The following CCSER1 variants were observed in gnomAD, a reference collection of about 807,000 sequenced individuals.
The protein encoded by CCSER1 is serine-rich coiled-coil domain-containing protein 1.
In CCSER1, 41 loss-of-function variants were observed where a neutral mutation model predicts 82.0. That is an observed-to-expected ratio of 0.50 (90% confidence interval 0.39 to 0.65). The LOEUF is 0.65. Ranked by LOEUF, CCSER1 falls within the 30% of genes least tolerant of loss-of-function variation. The probability of loss-of-function intolerance (pLI) is 0.00; values close to 1 mark genes in which losing one functional copy is unlikely to be tolerated. For missense variants in CCSER1, 1,119 were observed against 1,064.2 expected, an observed-to-expected ratio of 1.05 and a Z score of -0.72; for synonymous variants, 414 against 383.9, an observed-to-expected ratio of 1.08 and a Z score of -0.92.
At chr4:90,430,232 A>T (rs1758087509) in intron 4 of CCSER1, among the ~76,000 whole-genome samples, 1 of 151,942 alleles carries the variant, frequency 6.6e-6, no homozygotes, top group Non-Finnish European at 1.5e-5. Context: ...GTGAATATTT[A>T]TGTATCATGT....
At chr4:90,202,562 T>C (rs1197245881) in intron 1 of CCSER1, among the ~76,000 whole-genome samples, 1 of 152,198 alleles carries the variant, frequency 6.6e-6, no homozygotes, top group African/African-American at 2.4e-5. Flanking sequence ...GGACTAAGGG[T>C]CTCATTTTCA....
At chr4:91,286,017 T>G (rs1743251532) in intron 10 of CCSER1, among the ~76,000 whole-genome samples, 1 of 151,742 alleles carries the variant, frequency 6.6e-6, no homozygotes. Flanking sequence ...TGATGAATAC[T>G]TTCCTGAAGT....
chr4:91,537,870 T>C (rs185781113), intron 10 of CCSER1, among the ~76,000 whole-genome samples: 1 of 152,006 alleles, frequency 6.6e-6, no homozygotes, highest in East Asian at 1.9e-4. Flanking sequence ...AAGGCAAAAT[T>C]TTGATGAACT....
At chr4:91,077,369 CTAAAT>C (rs1297343420) in intron 9 of CCSER1, among the ~76,000 whole-genome samples, 12 of 151,970 alleles carry the variant, frequency 7.9e-5, no homozygotes, top group African/African-American at 2.4e-4. Flanking sequence ...AAATGTAACA[CTAAAT>C]AAAATAAAAT....
chr4:90,487,769 G>A (rs114783016), intron 5 of CCSER1, among the ~76,000 whole-genome samples: 2,218 of 152,200 alleles, frequency 0.015, 33 homozygotes, highest in African/African-American at 0.043. Context: ...AGCCTCTGGA[G>A]TAGCTGAAAC....
At chr4:91,212,818 T>C (rs997631930) in intron 10 of CCSER1, among the ~76,000 whole-genome samples, 7 of 152,138 alleles carry the variant, frequency 4.6e-5, no homozygotes, top group African/African-American at 7.2e-5. Flanking sequence ...GGTTTGGGGA[T>C]ATGAATGATC....
chr4:91,399,486 G>C (rs1752192151), intron 10 of CCSER1, among the ~76,000 whole-genome samples: 1 of 151,964 alleles, frequency 6.6e-6, no homozygotes, highest in Admixed American at 6.6e-5. Flanking sequence ...TTTTATGCCT[G>C]TCTTCAGAGG....
chr4:90,981,803 A>G (rs1736137149), intron 9 of CCSER1, among the ~76,000 whole-genome samples: 1 of 151,878 alleles, frequency 6.6e-6, no homozygotes, highest in African/African-American at 2.4e-5. Flanking sequence ...AGGATAGCTT[A>G]TATGAGGTCT....
At chr4:91,204,817 TC>T in intron 10 of CCSER1, among the ~76,000 whole-genome samples, 1 of 151,890 alleles carries the variant, frequency 6.6e-6, no homozygotes, top group Non-Finnish European at 1.5e-5. Context: ...GCATGGGTTG[TC>T]TTGATACAAA....
chr4:90,704,767 C>A (rs567763874), intron 6 of CCSER1, among the ~76,000 whole-genome samples: 1 of 152,124 alleles, frequency 6.6e-6, no homozygotes, highest in Non-Finnish European at 1.5e-5. Context: ...TGATTGAATT[C>A]GCTACTGAAG....
At chr4:90,928,769 C>T (rs1051200291) in intron 9 of CCSER1, among the ~76,000 whole-genome samples, 7 of 151,996 alleles carry the variant, frequency 4.6e-5, no homozygotes, top group South Asian at 2.1e-4. Flanking sequence ...AATTCCTTGA[C>T]GTCCCTTCAG....
At chr4:91,059,188 T>G (rs1287635094) in intron 9 of CCSER1, among the ~76,000 whole-genome samples, 1 of 151,806 alleles carries the variant, frequency 6.6e-6, no homozygotes, top group Non-Finnish European at 1.5e-5. Context: ...TTGGTTTATA[T>G]TCTGTCTATA....
intron 10 of CCSER1, among the ~76,000 whole-genome samples, chr4:91,160,231 A>G (rs903354720): frequency 1.3e-5 from 2 of 151,830 alleles, no homozygotes; most frequent in African/African-American, 2.4e-5. Flanking sequence ...GAACTCATCC[A>G]TTTTCATGGC....
chr4:90,908,848 G>A (rs1363713458), intron 8 of CCSER1, among the ~76,000 whole-genome samples: 2 of 152,166 alleles, frequency 1.3e-5, no homozygotes, highest in African/African-American at 2.4e-5. Flanking sequence ...CAGAAACTAT[G>A]TAGTGGAGAA....
chr4:90,941,760 G>T (rs1419304428), intron 9 of CCSER1, among the ~76,000 whole-genome samples: 1 of 152,060 alleles, frequency 6.6e-6, no homozygotes, highest in Non-Finnish European at 1.5e-5. Flanking sequence ...AAAACAAACA[G>T]TAACACTAAC....
intron 10 of CCSER1, among the ~76,000 whole-genome samples, chr4:91,261,225 C>G (rs1323834478): frequency 6.6e-6 from 1 of 152,160 alleles, no homozygotes; most frequent in African/African-American, 2.4e-5. Context: ...ATGCCTTGCT[C>G]CTTACCATTA....
intron 5 of CCSER1, among the ~76,000 whole-genome samples, chr4:90,495,861 GGGA>G (rs367671453): frequency 6.6e-6 from 1 of 152,086 alleles, no homozygotes; most frequent in Admixed American, 6.6e-5. Context: ...TAGAATGGCA[GGGA>G]GGAGGAGGAG....
chr4:90,513,263 G>A (rs1771807364), intron 5 of CCSER1, among the ~76,000 whole-genome samples: 1 of 152,180 alleles, frequency 6.6e-6, no homozygotes, highest in East Asian at 1.9e-4. Flanking sequence ...GAGGATGTAT[G>A]AATAAAGCGG....
intron 1 of CCSER1, among the ~76,000 whole-genome samples, chr4:90,177,171 T>C (rs1732865722): frequency 6.6e-6 from 1 of 152,110 alleles, no homozygotes; most frequent in African/African-American, 2.4e-5. Flanking sequence ...AAAGGCATGA[T>C]GTGCGCAACT....
Sources: gnomAD v4.1 joint callset for allele counts (sites outside exome capture counted in the v4.1 genomes callset) on GRCh38, gnomAD v4.1.1 for gene constraint, MANE v1.5 for transcripts, NCBI Gene and HGNC (gene_info 2026-07-23, HGNC 2026-07-21) for gene names.